BCAR3: variants seen among roughly 807,000 people sequenced by gnomAD.
BCAR3 encodes the protein BCAR3 adaptor protein, NSP family member, also known as breast cancer anti-estrogen resistance protein 3.
Under a neutral mutation model 80.1 loss-of-function variants are expected in BCAR3, and 37 were observed. The ratio of observed to expected loss-of-function variants is 0.46; its 90% CI spans 0.36 to 0.61. The LOEUF (loss-of-function observed/expected upper bound fraction) is 0.61. Ranked by LOEUF, BCAR3 falls within the 20% of genes least tolerant of loss-of-function variation. BCAR3 has a pLI of 0.00. For synonymous variants in BCAR3, 389 were observed against 418.9 expected (o/e 0.93, Z 0.87); for missense variants, 978 against 1,068.2 (o/e 0.92, Z 1.18).
At chr1:93,704,019 C>T (rs566174989) in intron 3 of BCAR3, among the ~76,000 whole-genome samples, 4 of 152,332 alleles carry the variant, frequency 2.6e-5, no homozygotes, top group Admixed American at 1.3e-4. Flanking sequence ...ATTTCAGGTG[C>T]TGAATAGCCA....
rs569579778 is a variant in BCAR3, at chr1:93,568,025, C to G, written c.1975-174G>C. 704 of 505,360 alleles carry G rather than the reference C, an allele frequency of 1.4e-3. 1 individual carries two copies. The highest frequency in any genetic ancestry group is 2.2e-3 in the Non-Finnish European group (603 of 278,142). 31.3% of individuals were successfully genotyped at this position (505,360 alleles called of 1,614,324 possible). A position where few individuals can be genotyped will look rare whatever the true frequency, so the allele number is the denominator to read the frequency against. ...AGTATGGTGAAACCCTGTCTCTACTCAAATACAAAAATTAGCCAGGCGTGG... is the reference window on the plus strand; with the variant it reads ...AGTATGGTGAAACCCTGTCTCTACTGAAATACAAAAATTAGCCAGGCGTGG... On this transcript the variant is annotated intron_variant, in intron 9 of 11. Transcript: ENST00000260502.
intron 2 of BCAR3, among the ~76,000 whole-genome samples, chr1:93,827,517 A>T (rs1205456875): frequency 6.6e-6 from 1 of 151,876 alleles, no homozygotes; most frequent in East Asian, 1.9e-4. Context: ...GGAGGACCAA[A>T]GCATTTTGGA....
chr1:93,573,844 G>A (rs1209394909), intron 8 of BCAR3, among the ~76,000 whole-genome samples: 8 of 152,044 alleles, frequency 5.3e-5, no homozygotes, highest in Middle Eastern at 6.8e-3. Flanking sequence ...TGCCCAGCTG[G>A]TCTCGAATTC....
chr1:93,686,575 A>G (rs1231869175), upstream of BCAR3, among the ~76,000 whole-genome samples: 1 of 152,226 alleles, frequency 6.6e-6, no homozygotes, highest in Non-Finnish European at 1.5e-5. Flanking sequence ...TGACTTTACC[A>G]ATTAAGAAAC....
chr1:93,737,264 G>A (rs1651005276), intron 2 of BCAR3, among the ~76,000 whole-genome samples: 1 of 152,186 alleles, frequency 6.6e-6, no homozygotes, highest in South Asian at 2.1e-4. Context: ...AAGAATTCCT[G>A]TTCACCCAGA....
chr1:93,597,677 A>C (rs978364776), intron 3 of BCAR3, among the ~76,000 whole-genome samples: 3 of 152,248 alleles, frequency 2.0e-5, no homozygotes, highest in African/African-American at 7.2e-5. Context: ...ATAGACTCAT[A>C]TCAGGATGCT....
At chr1:93,672,173 C>T (rs1235504692) in intron 2 of BCAR3, among the ~76,000 whole-genome samples, 5 of 152,152 alleles carry the variant, frequency 3.3e-5, no homozygotes, top group South Asian at 2.1e-4. Context: ...ACCCACCCTC[C>T]GATAAGATCT....
At chr1:93,797,410 A>G (rs1158678860) in intron 2 of BCAR3, among the ~76,000 whole-genome samples, 1 of 152,180 alleles carries the variant, frequency 6.6e-6, no homozygotes, top group East Asian at 1.9e-4. Flanking sequence ...ATTGCATTTA[A>G]GGCTCTTTTT....
At chr1:93,623,859 G>A (rs908388270) in intron 3 of BCAR3, among the ~76,000 whole-genome samples, 1 of 152,140 alleles carries the variant, frequency 6.6e-6, no homozygotes, top group Non-Finnish European at 1.5e-5. Flanking sequence ...ATGCTACAAG[G>A]AGCCAACATG....
chr1:93,767,968 C>T (rs764894992), intron 2 of BCAR3, among the ~76,000 whole-genome samples: 4 of 143,182 alleles, frequency 2.8e-5, no homozygotes, highest in Non-Finnish European at 5.9e-5. Context: ...AAAACATCAT[C>T]TATCAAAGAG....
intron 2 of BCAR3, among the ~76,000 whole-genome samples, chr1:93,668,569 T>A (rs2101939771): frequency 6.6e-6 from 1 of 152,340 alleles, no homozygotes; most frequent in Non-Finnish European, 1.5e-5. Context: ...AACTCAACTT[T>A]AAACTTATAA....
At chr1:93,699,148 A>C (rs1238009818) in intron 3 of BCAR3, among the ~76,000 whole-genome samples, 1 of 152,242 alleles carries the variant, frequency 6.6e-6, no homozygotes, top group Non-Finnish European at 1.5e-5. Context: ...GAAGGAACTG[A>C]ACCTCAGAGA....
rs1673932730 is a variant in BCAR3, at chr1:93,586,135, T to C, written c.930-2014A>G. Among the ~76,000 whole-genome samples, 1 of 152,110 alleles carries C rather than the reference T, an allele frequency of 6.6e-6. No homozygotes were observed. The highest frequency in any genetic ancestry group is 2.4e-5 in the African/African-American group (1 of 41,418). Reference sequence around the variant, plus strand: ...ACCCTATTGTGTTATCAAATAAGTCTTATTCATTCTTTCTAAATTTTTTGT... The same window carrying C: ...ACCCTATTGTGTTATCAAATAAGTCCTATTCATTCTTTCTAAATTTTTTGT... On this transcript the variant is annotated intron_variant, in intron 5 of 11. Transcript: ENST00000260502. The surrounding 1 kb of genome is among the most constrained non-coding windows in gnomAD (Gnocchi z 4.2).
At position 93,674,672 on chromosome 1, in the gene BCAR3, G is replaced by C; in HGVS notation, c.259C>G (p.Gln87Glu). The C allele has an allele frequency of 1.2e-6, 2 of 1,614,072 alleles. No individual in the cohort carries two copies. The highest frequency in any genetic ancestry group is 1.7e-6 in the Non-Finnish European group (2 of 1,180,018). The change falls in exon 2 of 12, where the codon CAG (glutamine) becomes GAG (glutamate). Residue 87 changes from glutamine (Q) to glutamate (E), a missense_variant. Coordinates refer to ENST00000260502, the MANE Select transcript of BCAR3 (RefSeq NM_003567.4). ...CATGGGCTCTCCTGGATGCCATCCT[G>C]GGTCACAGGCGAGTTCTGCCGTGGG... ...KSPRQNSPVT[Q>E]DGIQESPWQD...
intron 3 of BCAR3, among the ~76,000 whole-genome samples, chr1:93,615,936 C>T (rs1380115279): frequency 6.6e-6 from 1 of 152,192 alleles, no homozygotes; most frequent in Non-Finnish European, 1.5e-5. Context: ...TGACTGAAAT[C>T]CTGCACAGAA....
chr1:93,675,564 T>C lies in BCAR3; in HGVS notation c.-11-623A>G, dbSNP rs973653562. 3.0e-4 allele frequency among the ~76,000 whole-genome samples: 46 copies of C among 152,190 alleles called. 1 individual carries two copies. The highest frequency in any genetic ancestry group is 1.0e-3 in the African/African-American group (43 of 41,530). ...AGGCTCAGCTGCAGAGGAAAGCCAC[T>C]GGGGTGGGGGCTGCATGTACATGGC... On this transcript the variant is annotated intron_variant, in intron 1 of 11. Coordinates refer to ENST00000260502, the MANE Select transcript of BCAR3 (RefSeq NM_003567.4).
chr1:93,624,289 G>GT (rs1236894915), intron 3 of BCAR3, among the ~76,000 whole-genome samples: 1 of 152,214 alleles, frequency 6.6e-6, no homozygotes, highest in East Asian at 1.9e-4. Context: ...CCCTTATTGA[G>GT]GCCAGGTGAG....
intron 2 of BCAR3, among the ~76,000 whole-genome samples, chr1:93,739,133 G>C (rs1651094495): frequency 6.6e-6 from 1 of 152,132 alleles, no homozygotes; most frequent in Non-Finnish European, 1.5e-5. Flanking sequence ...GTTTCAAGCG[G>C]TACAACTGGG....
chr1:93,771,125 T>C (rs61244553), intron 2 of BCAR3, among the ~76,000 whole-genome samples: 17,803 of 152,238 alleles, frequency 0.12, 1,463 homozygotes, highest in African/African-American at 0.22. Context: ...TTTATCCTTA[T>C]AACAACCCTA....
Sources: allele counts gnomAD v4.1 joint callset (sites outside exome capture counted in the v4.1 genomes callset), GRCh38; gene constraint gnomAD v4.1.1; non-coding constraint Gnocchi (gnomAD v3.1); transcripts MANE v1.5; gene names NCBI Gene and HGNC (gene_info 2026-07-23, HGNC 2026-07-21).